ACACA: variants seen among roughly 807,000 people sequenced by gnomAD.
The protein encoded by ACACA is acetyl-CoA carboxylase alpha.
A neutral mutation model predicts 296.1 loss-of-function variants in ACACA; 103 were observed. That is an observed-to-expected ratio of 0.35 (90% CI 0.30 to 0.41). ACACA has a LOEUF of 0.41. Ranked by LOEUF, ACACA falls within the 10% of genes least tolerant of loss-of-function variation. The probability of loss-of-function intolerance (pLI) is 1.00; values close to 1 mark genes in which losing one functional copy is unlikely to be tolerated. For synonymous variants in ACACA, 953 were observed against 1,038.6 expected, an observed-to-expected ratio of 0.92 and a Z score of 1.58; for missense variants, 1,554 against 2,989.7, an observed-to-expected ratio of 0.52 and a Z score of 11.20.
intron 29 of ACACA, among the ~76,000 whole-genome samples, chr17:37,218,626 A>C (rs1471902240): frequency 6.6e-6 from 1 of 152,190 alleles, no homozygotes; most frequent in Non-Finnish European, 1.5e-5. Flanking sequence ...CAGGACTCCA[A>C]TATGTGTATT....
chr17:37,319,306 TAGAA>T (rs774544056), intron 3 of ACACA, among the ~76,000 whole-genome samples: 1 of 151,648 alleles, frequency 6.6e-6, no homozygotes, highest in Non-Finnish European at 1.5e-5. Context: ...TTTATTGAAA[TAGAA>T]AGTGAATTTT....
chr17:37,122,822 C>A (rs2074593440), intron 48 of ACACA, 195 bp from the exon 49 acceptor site: 2 of 662,364 alleles, frequency 3.0e-6, no homozygotes, highest in Non-Finnish European at 5.4e-6. Context: ...TGGTGGGAAA[C>A]CACCCTCAGA....
chr17:37,216,958 A>G (rs117730821), intron 29 of ACACA, among the ~76,000 whole-genome samples: 2,620 of 152,204 alleles, frequency 0.017, 39 homozygotes, highest in Middle Eastern at 0.058. Flanking sequence ...ACTGGGAATT[A>G]TAGTAAGAGG....
chr17:37,360,887 G>A (rs1384830374), intron 1 of ACACA, among the ~76,000 whole-genome samples: 1 of 152,102 alleles, frequency 6.6e-6, no homozygotes, highest in African/African-American at 2.4e-5. Context: ...AATGGCCTGG[G>A]AAGAGGGAAG....
intron 1 of ACACA, chr17:37,388,761 T>G (rs1171823192): frequency 6.2e-7 from 1 of 1,613,162 alleles, no homozygotes. Flanking sequence ...GAGTTGCCAT[T>G]ATAGTATTTG....
At chr17:37,255,284 G>A (rs2081178339) in intron 14 of ACACA, among the ~76,000 whole-genome samples, 1 of 152,032 alleles carries the variant, frequency 6.6e-6, no homozygotes, top group Non-Finnish European at 1.5e-5. Context: ...TGACCCATGG[G>A]AAATTATACT....
intron 3 of ACACA, among the ~76,000 whole-genome samples, chr17:37,298,553 G>A (rs2083465259): frequency 6.6e-6 from 1 of 152,120 alleles, no homozygotes; most frequent in Non-Finnish European, 1.5e-5. Flanking sequence ...CAGGCATGAT[G>A]GTGCATGCCT....
At chr17:37,179,147 G>A (rs2077226099) in intron 41 of ACACA, 113 bp downstream of exon 41, 2 of 1,327,170 alleles carry the variant, frequency 1.5e-6, no homozygotes, top group East Asian at 4.7e-5. Flanking sequence ...TCTCTCTAAA[G>A]AACTCTCCCA....
Position 37,243,482 on chromosome 17 carries a change from C to G in ACACA, c.2820G>C (p.Met940Ile), listed in dbSNP as rs779767429. The G allele has an allele frequency of 6.2e-7, 1 of 1,614,120 alleles. No homozygotes were observed. Among genetic ancestry groups the G allele is most frequent in the South Asian group, 1.1e-5 (1 of 91,072 alleles). ...SLPLLELQDI[M>I]TSVSGRIPPN... The stretch of plus-strand genomic sequence containing the variant: ...GGGGAATGCGGCCAGACACACTGGT[C>G]ATAATATCTTGCAATTCTAGGAGAG... Residue 940 changes from methionine to isoleucine, a missense_variant, in exon 22 of 56, where the codon ATG (methionine) becomes ATC (isoleucine). By Grantham distance (10) the Met-to-Ile change is conservative. Transcript: ENST00000616317.
At chr17:37,323,196 C>T (rs1567994699) in intron 3 of ACACA, among the ~76,000 whole-genome samples, 1 of 152,288 alleles carries the variant, frequency 6.6e-6, no homozygotes, top group East Asian at 1.9e-4. Context: ...CATCTGCATC[C>T]TCCCCTTAGG....
At chr17:37,254,868 A>G (rs2081156824) in intron 14 of ACACA, among the ~76,000 whole-genome samples, 2 of 140,874 alleles carry the variant, frequency 1.4e-5, no homozygotes, top group African/African-American at 2.7e-5. Context: ...TCCATGTCAG[A>G]AAAAAAAAAA....
At chr17:37,250,296 T>A (rs1375641628) in intron 16 of ACACA, among the ~76,000 whole-genome samples, 6 of 152,316 alleles carry the variant, frequency 3.9e-5, no homozygotes, top group African/African-American at 1.4e-4. Flanking sequence ...GCTTATCTTT[T>A]TTGTGCCTTT....
At chr17:37,362,960 C>A (rs1237356842) in intron 1 of ACACA, among the ~76,000 whole-genome samples, 1 of 133,566 alleles carries the variant, frequency 7.5e-6, no homozygotes, top group Admixed American at 8.2e-5. Context: ...GGCGACAGAG[C>A]GAGACTCCGT....
intron 15 of ACACA, 78 bp downstream of exon 15, chr17:37,252,808 T>G: frequency 6.3e-7 from 1 of 1,575,750 alleles, no homozygotes; most frequent in Non-Finnish European, 8.7e-7. Context: ...ATCAAATAAA[T>G]TTCATGTAGT....
intron 54 of ACACA, among the ~76,000 whole-genome samples, chr17:37,093,200 G>A (rs189311519): frequency 2.6e-5 from 4 of 152,258 alleles, no homozygotes; most frequent in Admixed American, 2.6e-4. Context: ...TTTTCCTATG[G>A]TCCTCACAGG....
chr17:37,141,986 T>C (rs2075601973), intron 45 of ACACA, among the ~76,000 whole-genome samples: 1 of 148,308 alleles, frequency 6.7e-6, no homozygotes, highest in Non-Finnish European at 1.5e-5. Flanking sequence ...CCACCATGCC[T>C]GGCCAAGTTT....
At chr17:37,397,200 T>TA (rs2051110960) in intron 1 of ACACA, among the ~76,000 whole-genome samples, 1 of 152,198 alleles carries the variant, frequency 6.6e-6, no homozygotes, top group South Asian at 2.1e-4. Flanking sequence ...TCCATGTCCC[T>TA]ACAAAGGACA....
intron 3 of ACACA, among the ~76,000 whole-genome samples, chr17:37,313,799 T>C (rs1369762365): frequency 3.9e-5 from 6 of 152,076 alleles, no homozygotes; most frequent in African/African-American, 7.2e-5. Flanking sequence ...GTATGGAGGT[T>C]CCTCAAAAAA....
In ACACA at chr17:37,188,343, T is replaced by C; in HGVS notation, c.4710A>G (p.Thr1570=). 1.2e-6 allele frequency: 2 copies of C among 1,614,164 alleles called. No homozygotes were observed. The highest frequency in any genetic ancestry group is 3.3e-4 in the Middle Eastern group (2 of 6,062). The change falls in exon 39 of 56, where the codon ACA becomes ACG. Residue 1570 remains threonine (T), a synonymous_variant. Transcript: ENST00000616317. The part of the protein sequence containing the change: ...GKAIPIRLFL[T]NESGYYLDIS... ...TATCCAAGTAATAGCCAGACTCGTTTGTCAGGAAGAGGCGGATGGGAATTG... is the reference window on the plus strand; with the variant it reads ...TATCCAAGTAATAGCCAGACTCGTTCGTCAGGAAGAGGCGGATGGGAATTG...
Sources: gnomAD v4.1 joint callset for allele counts (sites outside exome capture counted in the v4.1 genomes callset) on GRCh38, gnomAD v4.1.1 for gene constraint, MANE v1.5 for transcripts, NCBI Gene and HGNC (gene_info 2026-07-23, HGNC 2026-07-21) for gene names.